Variants in GRIP1 observed in about 807,000 individuals in gnomAD.
GRIP1 encodes the protein glutamate receptor-interacting protein 1.
A neutral mutation model predicts 129.9 loss-of-function variants in GRIP1; 45 were observed. The ratio of observed to expected loss-of-function variants is 0.35; its 90% confidence interval spans 0.27 to 0.44. The LOEUF is 0.44. Among genes scored for constraint, GRIP1 ranks in the 20% least tolerant of loss-of-function variants. GRIP1 has a pLI of 1.00. For synonymous variants in GRIP1, 530 were observed against 520.8 expected, an observed-to-expected ratio of 1.02 and a Z score of -0.24; for missense variants, 1,196 against 1,396.8, an observed-to-expected ratio of 0.86 and a Z score of 2.29.
At position 66,387,666 on chromosome 12, in the gene GRIP1, C is replaced by T. The variant is rs1462621374; in HGVS notation, c.2464+4642G>A. Among the ~76,000 whole-genome samples the T allele has an allele frequency of 2.0e-5, 3 of 152,102 alleles. 1 individual carries two copies. The highest frequency in any genetic ancestry group is 4.4e-5 in the Non-Finnish European group (3 of 68,012). On this transcript the variant is annotated intron_variant, in intron 19 of 24. Transcript: ENST00000359742. ...AAATAATCACAAAATTTAAAAAATA[C>T]ACAGCAAAGCCATCACCTCTATAAA...
chr12:66,453,419 A>G, intron 11 of GRIP1, among the ~76,000 whole-genome samples: 1 of 152,188 alleles, frequency 6.6e-6, no homozygotes, highest in Admixed American at 6.5e-5. Context: ...AAAAATTCAT[A>G]CACAAATACC....
At chr12:66,433,455 G>T (rs2137978975) in intron 13 of GRIP1, among the ~76,000 whole-genome samples, 1 of 152,276 alleles carries the variant, frequency 6.6e-6, no homozygotes, top group Admixed American at 6.5e-5. Flanking sequence ...GAGTGAAAGT[G>T]GGCTCAGATA....
intron 19 of GRIP1, among the ~76,000 whole-genome samples, chr12:66,391,066 A>G (rs148336379): frequency 1.3e-5 from 2 of 152,082 alleles, no homozygotes; most frequent in African/African-American, 4.8e-5. Context: ...TTTGTTCACC[A>G]GAGGACTTAA....
chr12:66,940,365 G>A (rs925527145), intron 1 of GRIP1, among the ~76,000 whole-genome samples: 12 of 152,186 alleles, frequency 7.9e-5, no homozygotes, highest in South Asian at 4.2e-4. Flanking sequence ...TAGTAGGTGC[G>A]CTCAGTGAGT....
At chr12:66,419,260 G>GGAGA (rs565360555) in intron 15 of GRIP1, among the ~76,000 whole-genome samples, 4,287 of 151,902 alleles carry the variant, frequency 0.028, 103 homozygotes, top group Non-Finnish European at 0.037. Context: ...CTGAACTCAT[G>GGAGA]GAGAGAGAGA....
intron 20 of GRIP1, among the ~76,000 whole-genome samples, chr12:66,378,345 G>A (rs554452750): frequency 7.2e-5 from 11 of 152,268 alleles, no homozygotes; most frequent in African/African-American, 2.2e-4. Flanking sequence ...CCAGCTAATC[G>A]GGGGTCTAAG....
intron 1 of GRIP1, among the ~76,000 whole-genome samples, chr12:66,792,720 A>C (rs2038579594): frequency 6.6e-6 from 1 of 152,130 alleles, no homozygotes; most frequent in Non-Finnish European, 1.5e-5. Context: ...CAAAGTAAAA[A>C]CTAAAAAGTA....
At chr12:67,003,178 T>G (rs1030517417) in intron 1 of GRIP1, among the ~76,000 whole-genome samples, 1 of 152,178 alleles carries the variant, frequency 6.6e-6, no homozygotes, top group African/African-American at 2.4e-5. Context: ...CACCCTCTTT[T>G]CCTCCTCTTC....
chr12:66,369,750 C>T lies in GRIP1; in HGVS notation c.3012+1944G>A, dbSNP rs543141121. Among the ~76,000 whole-genome samples, 32 of 152,200 alleles carry T rather than the reference C, an allele frequency of 2.1e-4. 3 individuals carry two copies. In the South Asian group the frequency reaches 5.0e-3, roughly 24 times the overall value. ...GTGTTCACAGGTACCCGAGGGAACC[C>T]GCAGGTGCCAGCCGTCTTCTTGGTA... On this transcript the variant is annotated intron_variant, in intron 23 of 24. Coordinates refer to ENST00000359742, the MANE Select transcript of GRIP1 (RefSeq NM_001366722.1).
chr12:66,579,385 C>T (rs2063280283), intron 2 of GRIP1, among the ~76,000 whole-genome samples: 1 of 152,150 alleles, frequency 6.6e-6, no homozygotes. Context: ...AGTTCCTCAC[C>T]AGCAATGGAA....
chr12:66,536,344 A>T (rs1312139015), intron 4 of GRIP1, among the ~76,000 whole-genome samples: 1 of 152,154 alleles, frequency 6.6e-6, no homozygotes, highest in African/African-American at 2.4e-5. Context: ...CATTCAGAGA[A>T]AAACTTAAGG....
chr12:66,557,323 T>C (rs924924223), intron 2 of GRIP1, among the ~76,000 whole-genome samples: 1 of 152,166 alleles, frequency 6.6e-6, no homozygotes, highest in African/African-American at 2.4e-5. Flanking sequence ...TACGCAGATA[T>C]ACAAAGCAAA....
rs71452335 is a variant in GRIP1 at position 67,010,426 on chromosome 12, A to G, written c.58+58624T>C. On this transcript the variant is annotated intron_variant, in intron 1 of 1. Coordinates refer to the GRIP1 transcript ENST00000643019. ...AAAGCAATCTGAATTCACATTTAAA[A>G]AAAATAATAATGACTATGGCAAGAA... Among the ~76,000 whole-genome samples, 438 of 152,326 alleles carry G rather than the reference A, an allele frequency of 2.9e-3. 1 individual carries two copies. The highest frequency in any genetic ancestry group is 5.4e-3 in the Non-Finnish European group (365 of 68,028).
chr12:66,876,929 TA>T (rs1481197701), intron 1 of GRIP1, among the ~76,000 whole-genome samples: 1 of 152,128 alleles, frequency 6.6e-6, no homozygotes, highest in Non-Finnish European at 1.5e-5. Context: ...TGAGCCTACA[TA>T]TTAACAGCTT....
chr12:67,025,621 T>A (rs904913760), intron 1 of GRIP1, among the ~76,000 whole-genome samples: 2 of 152,136 alleles, frequency 1.3e-5, no homozygotes, highest in Admixed American at 1.3e-4. Context: ...CCTCATGGAC[T>A]TGAATTTCTA....
At chr12:66,417,189 C>T (rs2057637957) in intron 15 of GRIP1, among the ~76,000 whole-genome samples, 1 of 152,180 alleles carries the variant, frequency 6.6e-6, no homozygotes, top group Non-Finnish European at 1.5e-5. Context: ...AGGACAAAAA[C>T]CATATGATCA....
At chr12:66,816,865 T>G (rs939915384) in intron 1 of GRIP1, among the ~76,000 whole-genome samples, 10 of 152,172 alleles carry the variant, frequency 6.6e-5, no homozygotes, top group African/African-American at 1.9e-4. Context: ...AATATGTTCA[T>G]ATATTTGCTT....
chr12:66,428,264 CAAGTT>C (rs2058046677), intron 14 of GRIP1, among the ~76,000 whole-genome samples: 1 of 152,038 alleles, frequency 6.6e-6, no homozygotes, highest in African/African-American at 2.4e-5. Flanking sequence ...GTAAGTAAAA[CAAGTT>C]AATTGATTTG....
chr12:66,595,968 G>A (rs2064033781), intron 2 of GRIP1, among the ~76,000 whole-genome samples: 1 of 152,180 alleles, frequency 6.6e-6, no homozygotes, highest in Non-Finnish European at 1.5e-5. Flanking sequence ...TCCAGTTAAT[G>A]TAGGAAACAC....
Sources: gnomAD v4.1 joint callset for allele counts (sites outside exome capture counted in the v4.1 genomes callset) on GRCh38, gnomAD v4.1.1 for gene constraint, MANE v1.5 for transcripts, NCBI Gene and HGNC (gene_info 2026-07-23, HGNC 2026-07-21) for gene names.